Variants in COL21A1 observed in about 807,000 individuals in gnomAD.
COL21A1 encodes the protein collagen type XXI alpha 1 chain.
COL21A1 carries 149 observed loss-of-function variants against 137.9 expected under a neutral mutation model. The observed-to-expected ratio is 1.08, with a 90% confidence interval of 0.95 to 1.24. The LOEUF (loss-of-function observed/expected upper bound fraction) is 1.24. COL21A1 is among the 50% of genes most tolerant of loss of function. The pLI, the probability that COL21A1 is intolerant of heterozygous loss-of-function variation, is 0.00. For missense variants in COL21A1, 1,167 were observed against 1,158.4 expected, an observed-to-expected ratio of 1.01 and a Z score of -0.11; for synonymous variants, 456 against 391.5, an observed-to-expected ratio of 1.16 and a Z score of -1.95.
At chr6:56,139,650 A>G (rs942081488) in intron 12 of COL21A1, among the ~76,000 whole-genome samples, 2 of 152,140 alleles carry the variant, frequency 1.3e-5, no homozygotes, top group Non-Finnish European at 2.9e-5. Flanking sequence ...GTATTCTCTA[A>G]CATTTTTTAG....
intron 1 of COL21A1, among the ~76,000 whole-genome samples, chr6:56,286,333 T>G (rs1402179095): frequency 2.0e-5 from 3 of 152,122 alleles, no homozygotes; most frequent in African/African-American, 7.2e-5. Context: ...GTGAACACAC[T>G]CACACATGCA....
intron 17 of COL21A1, among the ~76,000 whole-genome samples, chr6:56,088,129 C>G (rs1445792300): frequency 6.6e-6 from 1 of 152,028 alleles, no homozygotes; most frequent in African/African-American, 2.4e-5. Context: ...TTTGGGAGGC[C>G]GAGGTGGGTG....
intron 1 of COL21A1, among the ~76,000 whole-genome samples, chr6:56,361,525 A>G (rs1450731732): frequency 6.6e-6 from 1 of 152,204 alleles, no homozygotes; most frequent in Non-Finnish European, 1.5e-5. Context: ...AATGATGTAG[A>G]AGATTATCCA....
chr6:56,191,429 CAA>C (rs70986782), intron 1 of COL21A1, among the ~76,000 whole-genome samples: 5,082 of 133,198 alleles, frequency 0.038, 124 homozygotes, highest in African/African-American at 0.064. Context: ...ACTAAAAATA[CAA>C]AAAAAAAAAA....
At chr6:56,124,039 C>CTT (rs66532466) in intron 16 of COL21A1, 23 bp downstream of exon 16, 892 of 1,268,638 alleles carry the variant, frequency 7.0e-4, no homozygotes, top group South Asian at 1.6e-3. Context: ...TTGTTTTGTC[C>CTT]TTTTTTTTTT....
chr6:56,161,110 T>G (rs1345672861), intron 9 of COL21A1, among the ~76,000 whole-genome samples: 1 of 152,214 alleles, frequency 6.6e-6, no homozygotes, highest in Non-Finnish European at 1.5e-5. Flanking sequence ...CTTTTGTGTT[T>G]AGACAGAGGG....
In COL21A1 at chr6:56,057,192, C is replaced by A; in HGVS notation, c.*465G>T. 4.7e-6 allele frequency: 1 copy of A among 210,924 alleles called. No individual in the cohort carries two copies. Among genetic ancestry groups the A allele is most frequent in the Non-Finnish European group, 9.3e-6 (1 of 107,696 alleles). The allele number at this position is 210,924 out of a possible 1,614,324, so 13.1% of individuals were successfully genotyped here. A position where few individuals can be genotyped will look rare whatever the true frequency, so the allele number is the denominator to read the frequency against. On this transcript the variant is annotated 3_prime_UTR_variant, in exon 30 of 30. Coordinates refer to ENST00000244728, the MANE Select transcript of COL21A1 (RefSeq NM_030820.4). ...GAGTAGTTCACCAATACTGTCTATC[C>A]CAGGTGAATATCAGCCCTGATCTTA...
intron 1 of COL21A1, among the ~76,000 whole-genome samples, chr6:56,323,864 G>A (rs1329268171): frequency 1.3e-5 from 2 of 152,052 alleles, no homozygotes; most frequent in Non-Finnish European, 2.9e-5. Context: ...AAAAATGTTA[G>A]AAAACACTTT....
intron 1 of COL21A1, among the ~76,000 whole-genome samples, chr6:56,308,541 T>A (rs1764524709): frequency 6.6e-6 from 1 of 152,178 alleles, no homozygotes. Flanking sequence ...ATTCATAGAA[T>A]CAGAGTGGAA....
chr6:56,253,950 C>A (rs2152329582), intron 1 of COL21A1, among the ~76,000 whole-genome samples: 1 of 152,200 alleles, frequency 6.6e-6, no homozygotes. Context: ...ATGTAACACC[C>A]CAAATTGACA....
At chr6:56,347,652 A>G (rs1765625540) in intron 1 of COL21A1, among the ~76,000 whole-genome samples, 1 of 152,186 alleles carries the variant, frequency 6.6e-6, no homozygotes, top group African/African-American at 2.4e-5. Context: ...CTGATACACA[A>G]CCAGGGTCAG....
rs78488141 is a variant in COL21A1, at chr6:56,169,441, T to A, written c.1027-1144A>T. On this transcript the variant is annotated intron_variant, in intron 5 of 29. Transcript: ENST00000244728. ...CATGACACACTATGGTCAAGACCTT[T>A]TGATGAAACATTCACTGAATAAAGT... Among the ~76,000 whole-genome samples the A allele has an allele frequency of 3.8e-3, 576 of 152,094 alleles. 2 individuals are homozygous for A. The highest frequency in any genetic ancestry group is 0.013 in the African/African-American group (526 of 41,540).
At chr6:56,368,424 T>A (rs1260509170) in intron 1 of COL21A1, among the ~76,000 whole-genome samples, 1 of 152,204 alleles carries the variant, frequency 6.6e-6, no homozygotes, top group East Asian at 1.9e-4. Context: ...TAATTTTAGG[T>A]GGATGATTAC....
At chr6:56,188,259 A>G (rs1292016673) in intron 1 of COL21A1, among the ~76,000 whole-genome samples, 1 of 152,222 alleles carries the variant, frequency 6.6e-6, no homozygotes, top group Non-Finnish European at 1.5e-5. Context: ...ACTATGGCCA[A>G]TGATTTTTCT....
At chr6:56,288,113 G>A (rs1442470421) in intron 1 of COL21A1, among the ~76,000 whole-genome samples, 1 of 152,134 alleles carries the variant, frequency 6.6e-6, no homozygotes, top group African/African-American at 2.4e-5. Flanking sequence ...GCAAGTTGTT[G>A]CAGCAGCAAT....
At chr6:56,316,059 C>T (rs541532503) in intron 1 of COL21A1, among the ~76,000 whole-genome samples, 1 of 152,260 alleles carries the variant, frequency 6.6e-6, no homozygotes, top group East Asian at 1.9e-4. Context: ...TATGCCATTG[C>T]TAACCAATTT....
intron 9 of COL21A1, 123 bp from the exon 10 acceptor site, chr6:56,157,072 T>TAAAA (rs61242227): frequency 0.015 from 7,284 of 495,724 alleles, 65 homozygotes; most frequent in Admixed American, 0.045. Context: ...AAAACAAAAG[T>TAAAA]AAAAAAAAAA....
chr6:56,335,178 C>G (rs1765309662), intron 1 of COL21A1, among the ~76,000 whole-genome samples: 1 of 152,058 alleles, frequency 6.6e-6, no homozygotes. Flanking sequence ...ATGAGTTGGA[C>G]CACTGGTTGG....
chr6:56,377,044 C>G (rs1013038345), intron 1 of COL21A1, among the ~76,000 whole-genome samples: 1 of 148,508 alleles, frequency 6.7e-6, no homozygotes, highest in Non-Finnish European at 1.5e-5. Flanking sequence ...ATGGTGCAAT[C>G]TCAGCTCACT....
Sources: allele counts gnomAD v4.1 joint callset (sites outside exome capture counted in the v4.1 genomes callset), GRCh38; gene constraint gnomAD v4.1.1; transcripts MANE v1.5; gene names NCBI Gene and HGNC (gene_info 2026-07-23, HGNC 2026-07-21).